EMP2: variants seen among roughly 807,000 people sequenced by gnomAD.
The protein encoded by EMP2 is epithelial membrane protein 2.
A neutral mutation model predicts 13.7 loss-of-function variants in EMP2; 19 were observed. The ratio of observed to expected loss-of-function variants is 1.38; its 90% CI spans 0.97 to 2.03. The LOEUF (loss-of-function observed/expected upper bound fraction) is 2.03, where lower values mean the gene tolerates loss of function less well. Ranked by LOEUF, EMP2 falls within the 30% of genes most tolerant of loss-of-function variation. The pLI is 0.00. For synonymous variants in EMP2, 97 were observed against 84.7 expected, an observed-to-expected ratio of 1.15 and a Z score of -0.80; for missense variants, 253 against 220.7, an observed-to-expected ratio of 1.15 and a Z score of -0.93.
rs143896234 is a variant in EMP2 at position 10,550,841 on chromosome 16, G to C, written c.-60-3164C>G. ...AACACAAAAATTAGCCGGGCGTGGT[G>C]GTGGGCACCTGTAATTCCAGGTACT... On this transcript the variant is annotated intron_variant, in intron 1 of 4. Coordinates refer to ENST00000359543, the MANE Select transcript of EMP2 (RefSeq NM_001424.6). Among the ~76,000 whole-genome samples, 303 of 152,158 alleles carry C rather than the reference G, an allele frequency of 2.0e-3. 6 individuals are homozygous for C. The East Asian group carries it at 0.047, about 23-fold the overall frequency.
chr16:10,552,914 A>C (rs1274283416), intron 1 of EMP2, among the ~76,000 whole-genome samples: 1 of 152,218 alleles, frequency 6.6e-6, no homozygotes, highest in East Asian at 1.9e-4. Flanking sequence ...AGAGAAGTCA[A>C]GTAAGGTTTC....
chr16:10,573,805 C>T (rs949993726), intron 1 of EMP2, among the ~76,000 whole-genome samples: 6 of 152,046 alleles, frequency 3.9e-5, no homozygotes, highest in Non-Finnish European at 8.8e-5. Context: ...ACAGAAAATA[C>T]AACAAGAATT....
Position 10,579,708 on chromosome 16 carries a change from G to A in EMP2, c.-61+841C>T, listed in dbSNP as rs1384425330. ...CACAGCTGAATTATAAGATCAAGGTGCACACACACACACACACACACACAC... is the reference window on the plus strand; with the variant it reads ...CACAGCTGAATTATAAGATCAAGGTACACACACACACACACACACACACAC... On this transcript the variant is annotated intron_variant, in intron 1 of 4. Transcript: ENST00000359543. Among the ~76,000 whole-genome samples, 4 of 146,668 alleles carry A rather than the reference G, an allele frequency of 2.7e-5. 1 individual carries two copies. The highest frequency in any genetic ancestry group is 6.0e-5 in the Non-Finnish European group (4 of 67,210).
intron 3 of EMP2, among the ~76,000 whole-genome samples, chr16:10,542,505 T>G (rs772229673): frequency 6.6e-6 from 1 of 150,866 alleles, no homozygotes; most frequent in Non-Finnish European, 1.5e-5. Context: ...TATTAATATT[T>G]GGGCCATAGT....
At chr16:10,560,195 A>G (rs2050861636) in intron 1 of EMP2, among the ~76,000 whole-genome samples, 1 of 152,154 alleles carries the variant, frequency 6.6e-6, no homozygotes, top group Admixed American at 6.5e-5. Context: ...GCTCACACAC[A>G]TAGCTTCAGA....
At chr16:10,573,469 G>A (rs1156827943) in intron 1 of EMP2, among the ~76,000 whole-genome samples, 3 of 152,102 alleles carry the variant, frequency 2.0e-5, no homozygotes, top group Non-Finnish European at 4.4e-5. Context: ...GCTCACACTG[G>A]TCATCATTTC....
Position 10,531,611 on chromosome 16 carries a change from T to A in EMP2, c.*1294A>T, listed in dbSNP as rs1232366553. On this transcript the variant is annotated 3_prime_UTR_variant, in exon 5 of 5. Coordinates refer to ENST00000359543, the MANE Select transcript of EMP2 (RefSeq NM_001424.6). ...TCCCAAAGTGCTGGGATTACAAGCA[T>A]GAGCCACTGTACCCAGCCAGTTTTT... The A allele has an allele frequency of 6.6e-6, 1 of 152,392 alleles. No individual in the cohort carries two copies. The highest frequency in any genetic ancestry group is 6.5e-5 in the Admixed American group (1 of 15,278). 9.4% of individuals were successfully genotyped at this position (152,392 alleles called of 1,614,324 possible). A position where few individuals can be genotyped will look rare whatever the true frequency, so the allele number is the denominator to read the frequency against.
intron 4 of EMP2, among the ~76,000 whole-genome samples, chr16:10,536,529 C>T (rs2142169448): frequency 6.6e-6 from 1 of 152,260 alleles, no homozygotes; most frequent in East Asian, 1.9e-4. Context: ...GCCATGTAAG[C>T]CCTTTTGTTC....
In EMP2 at chr16:10,528,481, T is replaced by C. The variant is rs897510069; in HGVS notation, c.*4424A>G. On this transcript the variant is annotated 3_prime_UTR_variant, in exon 5 of 5. Coordinates refer to ENST00000359543, the MANE Select transcript of EMP2 (RefSeq NM_001424.6). ...GTGTAAAAACCATACATTATTATCT[T>C]GATGAGAAATCAGCTGACCCCCTGC... 1 of 152,158 alleles carries C rather than the reference T, an allele frequency of 6.6e-6. No individual in the cohort carries two copies. Among genetic ancestry groups the C allele is most frequent in the South Asian group, 2.1e-4 (1 of 4,830 alleles). The allele number at this position is 152,158 out of a possible 1,614,324, so 9.4% of individuals were successfully genotyped here.
At chr16:10,549,439 T>C (rs2050765309) in intron 1 of EMP2, among the ~76,000 whole-genome samples, 1 of 152,186 alleles carries the variant, frequency 6.6e-6, no homozygotes, top group Non-Finnish European at 1.5e-5. Context: ...GAAAAATTGA[T>C]AAAATCTTTG....
At position 10,572,733 on chromosome 16, in the gene EMP2, C is replaced by T. The variant is rs568286425; in HGVS notation, c.-61+7816G>A. Among the ~76,000 whole-genome samples, 15 of 152,326 alleles carry T rather than the reference C, an allele frequency of 9.8e-5. 1 individual carries two copies. Among genetic ancestry groups the T allele is most frequent in the African/African-American group, 3.4e-4 (14 of 41,574 alleles). On this transcript the variant is annotated intron_variant, in intron 1 of 4. Transcript: ENST00000359543. ...CGACCCTCCACATGTCTGTACACAG[C>T]CCACCTGTAGCACCCCGCAATCCAA... is the stretch of plus-strand genomic sequence containing the variant.
At chr16:10,577,705 C>A (rs890528936) in intron 1 of EMP2, among the ~76,000 whole-genome samples, 2 of 152,130 alleles carry the variant, frequency 1.3e-5, no homozygotes, top group East Asian at 3.9e-4. Flanking sequence ...CCCGGACACA[C>A]ACACACACCC....
chr16:10,570,295 A>G (rs1055506829), intron 1 of EMP2, among the ~76,000 whole-genome samples: 1 of 150,440 alleles, frequency 6.6e-6, no homozygotes, highest in Non-Finnish European at 1.5e-5. Context: ...GTGCAATCAC[A>G]GCTCACTGTA....
intron 3 of EMP2, among the ~76,000 whole-genome samples, chr16:10,539,422 G>A (rs573785152): frequency 1.2e-4 from 18 of 152,268 alleles, no homozygotes; most frequent in African/African-American, 3.4e-4. Context: ...TATGGGGAGC[G>A]AAAGGAGTCA....
rs899059966 is a variant in EMP2 at position 10,528,572 on chromosome 16, G to A, written c.*4333C>T. 6.6e-6 allele frequency: 1 copy of A among 152,142 alleles called. No individual in the cohort carries two copies. Among genetic ancestry groups the A allele is most frequent in the African/African-American group, 2.4e-5 (1 of 41,450 alleles). 9.4% of individuals were successfully genotyped at this position (152,142 alleles called of 1,614,324 possible). A position where few individuals can be genotyped will look rare whatever the true frequency, so the allele number is the denominator to read the frequency against. ...TTGGGAACATTAGAGTCTTGCTCTG[G>A]GCAATCTGGTTTTAAACTTTATTTT... is the stretch of plus-strand genomic sequence containing the variant. On this transcript the variant is annotated 3_prime_UTR_variant, in exon 5 of 5. Coordinates refer to ENST00000359543, the MANE Select transcript of EMP2 (RefSeq NM_001424.6).
At position 10,530,101 on chromosome 16, in the gene EMP2, T is replaced by A. The variant is rs1354271608; in HGVS notation, c.*2804A>T. 3 of 152,250 alleles carry A rather than the reference T, an allele frequency of 2.0e-5. No individual in the cohort carries two copies. The highest frequency in any genetic ancestry group is 2.0e-4 in the Admixed American group (3 of 15,286). 9.4% of individuals were successfully genotyped at this position (152,250 alleles called of 1,614,324 possible). On this transcript the variant is annotated 3_prime_UTR_variant, in exon 5 of 5. Transcript: ENST00000359543. The stretch of plus-strand genomic sequence containing the variant: ...GCCCACAATATGACTAGTGAGAGTA[T>A]CTCATGGAGGCAGGAGGTGACATTT...
At chr16:10,549,307 A>G (rs1456763413) in intron 1 of EMP2, among the ~76,000 whole-genome samples, 2 of 152,246 alleles carry the variant, frequency 1.3e-5, no homozygotes, top group Non-Finnish European at 2.9e-5. Flanking sequence ...GGGAGATCAG[A>G]TGAAAAGCCA....
At chr16:10,579,740 C>CACACACACACA (rs1214998064) in intron 1 of EMP2, among the ~76,000 whole-genome samples, 26 of 105,524 alleles carry the variant, frequency 2.5e-4, no homozygotes, top group African/African-American at 9.0e-4. Flanking sequence ...ACACACACAC[C>CACACACACACA]CTCAAAGCTT....
chr16:10,578,589 C>T (rs930591817), intron 1 of EMP2, among the ~76,000 whole-genome samples: 4 of 152,218 alleles, frequency 2.6e-5, no homozygotes, highest in Non-Finnish European at 5.9e-5. Flanking sequence ...CCAAGCCTCA[C>T]CCTCCTCACA....
Sources: gnomAD v4.1 joint callset for allele counts (sites outside exome capture counted in the v4.1 genomes callset) on GRCh38, gnomAD v4.1.1 for gene constraint, MANE v1.5 for transcripts, NCBI Gene and HGNC (gene_info 2026-07-23, HGNC 2026-07-21) for gene names.